CTNNA1: variants seen among roughly 807,000 people sequenced by gnomAD.
The protein encoded by CTNNA1 is catenin alpha-1.
A neutral mutation model predicts 98.4 loss-of-function variants in CTNNA1; 37 were observed. That is an observed-to-expected ratio of 0.38 (90% confidence interval 0.29 to 0.49). The LOEUF is 0.49. Among genes scored for constraint, CTNNA1 ranks in the 20% least tolerant of loss-of-function variants. The probability of loss-of-function intolerance (pLI) is 0.95; values close to 1 mark genes in which losing one functional copy is unlikely to be tolerated. For missense variants in CTNNA1, 761 were observed against 1,147.2 expected, an observed-to-expected ratio of 0.66 and a Z score of 4.86; for synonymous variants, 404 against 413.2, an observed-to-expected ratio of 0.98 and a Z score of 0.27.
chr5:138,855,798 G>A (rs1763678273), intron 7 of CTNNA1, among the ~76,000 whole-genome samples: 1 of 152,170 alleles, frequency 6.6e-6, no homozygotes, highest in Admixed American at 6.5e-5. Flanking sequence ...TTACTGTCTG[G>A]GATTTGACAG....
At position 138,934,411 on chromosome 5, in the gene CTNNA1, G is replaced by A. The variant is rs990377429; in HGVS notation, c.*322G>A. On this transcript the variant is annotated 3_prime_UTR_variant, in exon 18 of 18. Transcript: ENST00000302763. ...TGCCCATTCTCTTAGTGATGGCGGC[G>A]TTAGGGTTTGAGAGAAGGGAATTTG... 1.8e-5 allele frequency: 5 copies of A among 275,556 alleles called. No individual in the cohort carries two copies. Among genetic ancestry groups the A allele is most frequent in the Non-Finnish European group, 3.4e-5 (5 of 146,622 alleles). 17.1% of individuals were successfully genotyped at this position (275,556 alleles called of 1,614,324 possible).
intron 3 of CTNNA1, among the ~76,000 whole-genome samples, chr5:138,791,323 A>G (rs1756331259): frequency 6.6e-6 from 1 of 152,046 alleles, no homozygotes; most frequent in Admixed American, 6.6e-5. Context: ...ATCATCTTTT[A>G]TGTAAAAAAT....
In CTNNA1 at chr5:138,827,082, G is replaced by A. The variant is rs759054393; in HGVS notation, c.859-433G>A. On this transcript the variant is annotated intron_variant, in intron 6 of 17. Transcript: ENST00000302763. ...ATAAGCCACCACACCTGGCTTGTTTGGCTTTTATTTTTTAATTTTTTTGTG... is the reference window on the plus strand; with the variant it reads ...ATAAGCCACCACACCTGGCTTGTTTAGCTTTTATTTTTTAATTTTTTTGTG... 1.1e-4 allele frequency among the ~76,000 whole-genome samples: 16 copies of A among 152,258 alleles called. No homozygotes were observed. In the South Asian group the frequency reaches 1.7e-3, roughly 16 times the overall value.
intron 17 of CTNNA1, among the ~76,000 whole-genome samples, chr5:138,933,129 CT>C (rs1765751469): frequency 6.6e-6 from 1 of 152,098 alleles, no homozygotes; most frequent in African/African-American, 2.4e-5. Context: ...ACAAGACTGT[CT>C]CAAAACAAAA....
At chr5:138,768,847 C>A (rs1308639423) in intron 1 of CTNNA1, among the ~76,000 whole-genome samples, 1 of 151,986 alleles carries the variant, frequency 6.6e-6, no homozygotes, top group East Asian at 1.9e-4. Context: ...TTCTGTGTTA[C>A]AAAGACAGAA....
At chr5:138,839,975 T>C (rs1279807654) in intron 7 of CTNNA1, among the ~76,000 whole-genome samples, 1 of 152,218 alleles carries the variant, frequency 6.6e-6, no homozygotes, top group Non-Finnish European at 1.5e-5. Context: ...TAGAACTTGT[T>C]AAAGCTTGAT....
chr5:138,917,052 C>T (rs142131705), intron 10 of CTNNA1, among the ~76,000 whole-genome samples: 2,381 of 152,280 alleles, frequency 0.016, 56 homozygotes, highest in African/African-American at 0.054. Context: ...GGATTACAGG[C>T]GTGAGCCACC....
intron 7 of CTNNA1, among the ~76,000 whole-genome samples, chr5:138,852,871 G>GCGCACACACACACGCGTGCGCGCA (rs869240008): frequency 1.7e-4 from 25 of 151,358 alleles, no homozygotes; most frequent in South Asian, 6.3e-4. Flanking sequence ...GCGCGCGCGC[G>GCGCACACACACACGCGTGCGCGCA]CACACACACA....
chr5:138,934,931 C>A lies in CTNNA1; in HGVS notation c.*842C>A, dbSNP rs1414454867. ...TTGATTGATTGATTACTATTAACTA[C>A]AAGGTATAATTTACTATCACCTTAT... On this transcript the variant is annotated 3_prime_UTR_variant, in exon 18 of 18. Transcript: ENST00000302763. 6.6e-6 allele frequency: 1 copy of A among 152,508 alleles called. No individual in the cohort carries two copies. Among genetic ancestry groups the A allele is most frequent in the East Asian group, 1.9e-4 (1 of 5,196 alleles). The allele number at this position is 152,508 out of a possible 1,614,324, so 9.4% of individuals were successfully genotyped here.
At chr5:138,861,059 G>C (rs912781225) in intron 7 of CTNNA1, among the ~76,000 whole-genome samples, 1 of 151,890 alleles carries the variant, frequency 6.6e-6, no homozygotes, top group South Asian at 2.1e-4. Flanking sequence ...TCACTGTGTC[G>C]CCCAGGCTGA....
At chr5:138,785,425 A>G (rs942062844) in intron 3 of CTNNA1, among the ~76,000 whole-genome samples, 3 of 152,192 alleles carry the variant, frequency 2.0e-5, no homozygotes, top group Admixed American at 6.5e-5. Context: ...TGTTGAGGAA[A>G]TCAGGCTATT....
chr5:138,933,119 A>G (rs1765748514), intron 17 of CTNNA1, among the ~76,000 whole-genome samples: 1 of 152,208 alleles, frequency 6.6e-6, no homozygotes, highest in African/African-American at 2.4e-5. Context: ...GGGCAACAGA[A>G]CAAGACTGTC....
chr5:138,915,807 T>C (rs984513751), intron 10 of CTNNA1, among the ~76,000 whole-genome samples: 5 of 152,196 alleles, frequency 3.3e-5, no homozygotes, highest in Admixed American at 3.3e-4. Context: ...CAGTGGCTCA[T>C]GCCTGTAATC....
At chr5:138,858,128 A>ATT (rs71858446) in intron 7 of CTNNA1, among the ~76,000 whole-genome samples, 1 of 141,628 alleles carries the variant, frequency 7.1e-6, no homozygotes, top group Non-Finnish European at 1.6e-5. Flanking sequence ...GTTAAAAAAA[A>ATT]TTTTTTTTTT....
At chr5:138,841,870 G>A (rs1370728852) in intron 7 of CTNNA1, among the ~76,000 whole-genome samples, 1 of 152,150 alleles carries the variant, frequency 6.6e-6, no homozygotes, top group African/African-American at 2.4e-5. Flanking sequence ...GTATTTCAAG[G>A]CTTCCTTAAG....
At chr5:138,829,664 A>G (rs1761066146) in intron 7 of CTNNA1, among the ~76,000 whole-genome samples, 1 of 152,224 alleles carries the variant, frequency 6.6e-6, no homozygotes, top group Non-Finnish European at 1.5e-5. Flanking sequence ...ACTCATTTAT[A>G]CTGAAGACAT....
At chr5:138,861,281 G>A (rs780923500) in intron 7 of CTNNA1, among the ~76,000 whole-genome samples, 21 of 152,118 alleles carry the variant, frequency 1.4e-4, no homozygotes, top group Non-Finnish European at 2.8e-4. Flanking sequence ...TCAGCCTCCC[G>A]AAGTGCTGGG....
At position 138,824,811 on chromosome 5, in the gene CTNNA1, T is replaced by C. The variant is rs1581168349; in HGVS notation, c.858+12T>C. 5 of 1,606,124 alleles carry C rather than the reference T, an allele frequency of 3.1e-6. No individual in the cohort carries two copies. The highest frequency in any genetic ancestry group is 2.2e-5 in the East Asian group (1 of 44,666). ...TCAATAACTTTGACGTAAGTTATGC[T>C]TGGGTGGAAATTTCCAGCTCTTGAC... On this transcript the variant is annotated intron_variant, in intron 6 of 17. Coordinates refer to ENST00000302763, the MANE Select transcript of CTNNA1 (RefSeq NM_001903.5).
intron 7 of CTNNA1, among the ~76,000 whole-genome samples, chr5:138,838,307 C>A (rs558113468): frequency 4.9e-4 from 74 of 152,344 alleles, no homozygotes; most frequent in Admixed American, 1.4e-3. Context: ...AAGATTGTGG[C>A]TTTCAATGAA....
Sources: allele counts gnomAD v4.1 joint callset (sites outside exome capture counted in the v4.1 genomes callset), GRCh38; gene constraint gnomAD v4.1.1; transcripts MANE v1.5; gene names NCBI Gene and HGNC (gene_info 2026-07-23, HGNC 2026-07-21).